Variants in AGO2 observed in about 807,000 individuals in gnomAD.
AGO2 encodes protein argonaute-2.
In AGO2, 5 loss-of-function variants were observed where a neutral mutation model predicts 102.3. That is an observed-to-expected ratio of 0.05 (90% CI 0.03 to 0.10). The LOEUF is 0.10. Ranked by LOEUF, AGO2 falls within the 10% of genes least tolerant of loss-of-function variation. The pLI is 1.00. For missense variants in AGO2, 541 were observed against 1,183.7 expected, an observed-to-expected ratio of 0.46 and a Z score of 7.97; for synonymous variants, 449 against 473.1, an observed-to-expected ratio of 0.95 and a Z score of 0.66.
intron 13 of AGO2, among the ~76,000 whole-genome samples, chr8:140,546,744 G>A (rs2072908172): frequency 6.6e-6 from 1 of 152,214 alleles, no homozygotes; most frequent in South Asian, 2.1e-4. Context: ...CTCCGTTGTT[G>A]TCGTCCAAAT....
intron 11 of AGO2, among the ~76,000 whole-genome samples, chr8:140,549,516 G>A (rs2072959150): frequency 1.3e-5 from 2 of 152,262 alleles, no homozygotes; most frequent in Admixed American, 1.3e-4. Context: ...AAACATACAT[G>A]TAACATGTAA....
intron 1 of AGO2, among the ~76,000 whole-genome samples, chr8:140,627,564 G>A (rs954069954): frequency 6.6e-6 from 1 of 152,196 alleles, no homozygotes; most frequent in Non-Finnish European, 1.5e-5. Context: ...CAAGATGGAT[G>A]TCAATTACAG....
intron 13 of AGO2, among the ~76,000 whole-genome samples, chr8:140,545,259 C>A (rs73713175): frequency 6.6e-6 from 1 of 152,122 alleles, no homozygotes; most frequent in East Asian, 1.9e-4. Context: ...AGACTTCTCA[C>A]GGCCACAGCA....
At chr8:140,625,608 C>T (rs992963225) in intron 1 of AGO2, among the ~76,000 whole-genome samples, 19 of 152,310 alleles carry the variant, frequency 1.2e-4, no homozygotes, top group Non-Finnish European at 2.2e-4. Context: ...GCCTCACCCC[C>T]GGCCTGGCTC....
rs543855999 is a variant in AGO2 at position 140,540,794 on chromosome 8, C to T, written c.2034+370G>A. Among the ~76,000 whole-genome samples, 53 of 152,336 alleles carry T rather than the reference C, an allele frequency of 3.5e-4. No homozygotes were observed. The highest frequency in any genetic ancestry group is 9.1e-4 in the African/African-American group (38 of 41,574). ...GCGTCCCCAGACGCAATGAGCTCCC[C>T]GCCTCGCAGGGACACCCGACAGCTC... On this transcript the variant is annotated intron_variant, in intron 15 of 18. Transcript: ENST00000220592. The surrounding 1 kb of genome is among the most constrained non-coding windows in gnomAD (Gnocchi z 5.0).
intron 4 of AGO2, among the ~76,000 whole-genome samples, chr8:140,561,880 G>A (rs1303447380): frequency 6.6e-6 from 1 of 152,218 alleles, no homozygotes; most frequent in African/African-American, 2.4e-5. Flanking sequence ...CTGACGCGCT[G>A]AGCTGGCCTT....
rs186093029 is a variant in AGO2 at position 140,586,284 on chromosome 8, G to A, written c.23-973C>T. 4.2e-3 allele frequency among the ~76,000 whole-genome samples: 637 copies of A among 152,320 alleles called. 9 individuals are homozygous for A. Among genetic ancestry groups the A allele is most frequent in the African/African-American group, 0.014 (591 of 41,572 alleles). ...GAGGCGGGTAGATTACCTGAGGTCA[G>A]GAGTTTGAGACCAGCCTGGCCAACA... On this transcript the variant is annotated intron_variant, in intron 1 of 18. Transcript: ENST00000220592.
chr8:140,578,844 C>T (rs551920568), intron 2 of AGO2, among the ~76,000 whole-genome samples: 228 of 152,360 alleles, frequency 1.5e-3, no homozygotes, highest in Non-Finnish European at 2.9e-3. Flanking sequence ...TTGCAGAAGC[C>T]GGAGCGTGTT....
chr8:140,604,175 G>A (rs1248775239), intron 1 of AGO2, among the ~76,000 whole-genome samples: 1 of 152,224 alleles, frequency 6.6e-6, no homozygotes, highest in East Asian at 1.9e-4. Flanking sequence ...GAAACGACGC[G>A]ATGGAGCAGA....
In AGO2 at chr8:140,589,349, C is replaced by T. The variant is rs986823942; in HGVS notation, c.23-4038G>A. Among the ~76,000 whole-genome samples the T allele has an allele frequency of 3.9e-5, 6 of 152,086 alleles. No individual in the cohort carries two copies. The highest frequency in any genetic ancestry group is 5.9e-5 in the Non-Finnish European group (4 of 67,990). ...TCTTCCGTGAAGCCGCTTTGGCTAC[C>T]GGCGGGTGAACCACAGGCCCGGGTC... On this transcript the variant is annotated intron_variant, in intron 1 of 18. Coordinates refer to ENST00000220592, the MANE Select transcript of AGO2 (RefSeq NM_012154.5). This position sits in a 1 kb window ranked among gnomAD's most constrained non-coding sequence, Gnocchi z 4.2.
intron 1 of AGO2, among the ~76,000 whole-genome samples, chr8:140,615,814 A>G (rs1423870059): frequency 6.6e-6 from 1 of 152,258 alleles, no homozygotes; most frequent in Non-Finnish European, 1.5e-5. Flanking sequence ...ATTGAGTTGG[A>G]GCACTCATGT....
chr8:140,594,591 T>C (rs1229869985), intron 1 of AGO2, among the ~76,000 whole-genome samples: 1 of 151,550 alleles, frequency 6.6e-6, no homozygotes, highest in Non-Finnish European at 1.5e-5. Context: ...AGTTCGAGAC[T>C]AGCCTGGGAA....
chr8:140,532,803 T>C (rs2072621250), intron 17 of AGO2, 188 bp from the exon 18 acceptor site: 3 of 575,490 alleles, frequency 5.2e-6, no homozygotes, highest in Non-Finnish European at 9.2e-6. Flanking sequence ...GAGTCCAGCC[T>C]GGCCAACATA....
At chr8:140,588,646 G>A (rs1462777867) in intron 1 of AGO2, among the ~76,000 whole-genome samples, 2 of 149,542 alleles carry the variant, frequency 1.3e-5, no homozygotes, top group East Asian at 2.0e-4. Flanking sequence ...GAAGGAAGGA[G>A]GAAAGGAGGG....
chr8:140,588,283 T>C (rs892437869), intron 1 of AGO2, among the ~76,000 whole-genome samples: 7 of 152,192 alleles, frequency 4.6e-5, no homozygotes, highest in Admixed American at 1.3e-4. Flanking sequence ...CCCAGGATTC[T>C]AGCACAGCGC....
intron 17 of AGO2, 73 bp from the exon 18 acceptor site, chr8:140,532,688 TATTTG>T (rs1360679754): frequency 9.0e-6 from 13 of 1,438,866 alleles, no homozygotes; most frequent in Non-Finnish European, 9.6e-6. Context: ...AGAAGATTTA[TATTTG>T]TATTATTAAA....
chr8:140,609,597 G>T (rs2074049635), intron 1 of AGO2, among the ~76,000 whole-genome samples: 1 of 152,098 alleles, frequency 6.6e-6, no homozygotes, highest in Non-Finnish European at 1.5e-5. Flanking sequence ...CACCCCAACT[G>T]CACACACCCT....
chr8:140,640,403 CACTT>C (rs1288954184), upstream of AGO2, among the ~76,000 whole-genome samples: 3 of 152,246 alleles, frequency 2.0e-5, no homozygotes, highest in East Asian at 1.9e-4. Context: ...TAGTCTGGCA[CACTT>C]ACTTACAGCC....
chr8:140,580,421 G>T (rs146477399), intron 2 of AGO2, among the ~76,000 whole-genome samples: 1 of 152,226 alleles, frequency 6.6e-6, no homozygotes, highest in Non-Finnish European at 1.5e-5. Context: ...CGACTAAGAC[G>T]CCATCCTTGC....
Sources: allele counts gnomAD v4.1 joint callset (sites outside exome capture counted in the v4.1 genomes callset), GRCh38; gene constraint gnomAD v4.1.1; non-coding constraint Gnocchi (gnomAD v3.1); transcripts MANE v1.5; gene names NCBI Gene and HGNC (gene_info 2026-07-23, HGNC 2026-07-21).